CREB1: variants seen among roughly 807,000 people sequenced by gnomAD.
CREB1 encodes the protein cAMP responsive element binding protein 1.
A neutral mutation model predicts 42.0 loss-of-function variants in CREB1; 2 were observed. The ratio of observed to expected loss-of-function variants is 0.05; its 90% CI spans 0.02 to 0.15. The LOEUF (loss-of-function observed/expected upper bound fraction) is 0.15. CREB1 is among the 10% of genes least tolerant of loss of function. CREB1 has a pLI of 1.00. For synonymous variants in CREB1, 123 were observed against 139.9 expected (o/e 0.88, Z 0.85); for missense variants, 199 against 388.9 (o/e 0.51, Z 4.11).
intron 1 of CREB1, among the ~76,000 whole-genome samples, chr2:207,548,175 C>A (rs572835389): frequency 1.3e-5 from 2 of 152,178 alleles, no homozygotes; most frequent in East Asian, 3.9e-4. Flanking sequence ...GTAATCTGCC[C>A]GCCTAGGCCT....
intron 5 of CREB1, chr2:207,571,662 A>G (rs1481777020): frequency 6.8e-6 from 3 of 441,798 alleles, no homozygotes; most frequent in African/African-American, 6.0e-5. Flanking sequence ...GCCTCATACC[A>G]GATGCTTTTA....
chr2:207,565,496 T>A lies in CREB1; in HGVS notation c.262-1967T>A, dbSNP rs371832524. Among the ~76,000 whole-genome samples, 25 of 152,148 alleles carry A rather than the reference T, an allele frequency of 1.6e-4. 1 individual carries two copies. In the East Asian group the frequency reaches 2.5e-3, roughly 15 times the overall value. On this transcript the variant is annotated intron_variant, in intron 3 of 7. Transcript: ENST00000353267. The stretch of plus-strand genomic sequence containing the variant: ...GGTCAGAGAAAGGCAACCTTTTTTT[T>A]TTTTTTCATTAAGGGCCATAGATCC...
intron 3 of CREB1, 143 bp downstream of exon 3, chr2:207,560,515 G>T: frequency 1.5e-6 from 1 of 680,634 alleles, no homozygotes; most frequent in Non-Finnish European, 2.3e-6. Context: ...CATCTGTATA[G>T]TCACCTTATG....
intron 3 of CREB1, among the ~76,000 whole-genome samples, chr2:207,565,875 T>A (rs1028654839): frequency 6.6e-6 from 1 of 152,230 alleles, no homozygotes; most frequent in Non-Finnish European, 1.5e-5. Flanking sequence ...GCTCCTGATC[T>A]TCTGTATGTG....
intron 1 of CREB1, among the ~76,000 whole-genome samples, chr2:207,535,021 A>G (rs2080811964): frequency 6.6e-6 from 1 of 152,220 alleles, no homozygotes; most frequent in South Asian, 2.1e-4. Context: ...GAAGCATTTT[A>G]TTATGTAAGT....
At position 207,560,244 on chromosome 2, in the gene CREB1, C is replaced by A; in HGVS notation, c.133C>A (p.His45Asn). The change falls in exon 3 of 8, where the codon CAT (histidine) becomes AAT (asparagine). Residue 45 changes from histidine (H) to asparagine (N), a missense_variant. Physicochemically the swap from His to Asn is moderately conservative, Grantham distance 68 (BLOSUM62 1). Coordinates refer to ENST00000353267, the MANE Select transcript of CREB1 (RefSeq NM_004379.5). Reference sequence around the variant, plus strand: ...ACCATAGGTATCTATGCCAGCAGCTCATGCAACATCATCTGCTCCCACCGT... The same window carrying A: ...ACCATAGGTATCTATGCCAGCAGCTAATGCAACATCATCTGCTCCCACCGT... ...TLAQVSMPAA[H>N]ATSSAPTVTL... 6.2e-7 allele frequency: 1 copy of A among 1,610,920 alleles called. No individual in the cohort carries two copies. Among genetic ancestry groups the A allele is most frequent in the South Asian group, 1.1e-5 (1 of 90,866 alleles).
intron 5 of CREB1, chr2:207,571,639 A>G (rs1013818955): frequency 2.5e-6 from 1 of 407,578 alleles, no homozygotes; most frequent in African/African-American, 2.1e-5. Context: ...GTGTATGTGT[A>G]TTATCAGTTG....
chr2:207,593,718 ACT>A (rs2085526451), intron 7 of CREB1, among the ~76,000 whole-genome samples: 2 of 126,528 alleles, frequency 1.6e-5, no homozygotes, highest in African/African-American at 6.0e-5. Context: ...ATCCTCACAA[ACT>A]TTTTTTTTTT....
chr2:207,570,402 G>A (rs950458883), intron 5 of CREB1, 81 bp downstream of exon 5: 5 of 1,363,854 alleles, frequency 3.7e-6, no homozygotes, highest in Non-Finnish European at 5.0e-6. Context: ...TCTCTTCAGA[G>A]AAACCAATAC....
intron 1 of CREB1, among the ~76,000 whole-genome samples, chr2:207,555,221 C>T (rs1194506195): frequency 2.6e-5 from 4 of 152,158 alleles, no homozygotes; most frequent in Non-Finnish European, 5.9e-5. Flanking sequence ...CTAATAAACT[C>T]TGTCATCATT....
At chr2:207,542,101 T>C (rs2081121239) in intron 1 of CREB1, among the ~76,000 whole-genome samples, 1 of 152,218 alleles carries the variant, frequency 6.6e-6, no homozygotes, top group Admixed American at 6.5e-5. Flanking sequence ...ATTGGACTTT[T>C]TGATTATTAT....
intron 6 of CREB1, chr2:207,577,055 C>A: frequency 1.0e-6 from 1 of 955,038 alleles, no homozygotes; most frequent in South Asian, 4.7e-5. Flanking sequence ...GCTTTATCTT[C>A]TTTTTCATTT....
intron 5 of CREB1, among the ~76,000 whole-genome samples, chr2:207,574,727 A>C (rs545898201): frequency 2.2e-4 from 33 of 152,318 alleles, no homozygotes; most frequent in African/African-American, 7.9e-4. Flanking sequence ...CAGTTGTTTC[A>C]TTGAGTGGAT....
At chr2:207,585,958 A>C (rs1463793880) in intron 7 of CREB1, among the ~76,000 whole-genome samples, 1 of 151,726 alleles carries the variant, frequency 6.6e-6, no homozygotes, top group Non-Finnish European at 1.5e-5. Context: ...ATTTAACAAA[A>C]TAATCACTGA....
chr2:207,552,479 TAA>T (rs2081547108), intron 1 of CREB1, among the ~76,000 whole-genome samples: 1 of 151,628 alleles, frequency 6.6e-6, no homozygotes, highest in Non-Finnish European at 1.5e-5. Flanking sequence ...TGGCTTGGAA[TAA>T]AGTCTTTCAA....
At chr2:207,539,737 C>T (rs1237280270) in intron 1 of CREB1, among the ~76,000 whole-genome samples, 3 of 151,940 alleles carry the variant, frequency 2.0e-5, no homozygotes, top group African/African-American at 7.3e-5. Context: ...AGAGAAGGGG[C>T]TTAGTGAGGA....
intron 3 of CREB1, among the ~76,000 whole-genome samples, chr2:207,561,506 T>C (rs927134467): frequency 2.0e-5 from 3 of 152,192 alleles, no homozygotes; most frequent in African/African-American, 7.2e-5. Context: ...CCTAAAACTT[T>C]TACCTAGTGA....
chr2:207,594,138 C>G (rs909828454), intron 7 of CREB1, among the ~76,000 whole-genome samples: 6 of 152,254 alleles, frequency 3.9e-5, no homozygotes, highest in African/African-American at 1.4e-4. Context: ...AAAGAATTTA[C>G]TGGTTTAGAT....
At chr2:207,583,921 C>A (rs2083373246) in intron 7 of CREB1, among the ~76,000 whole-genome samples, 2 of 152,200 alleles carry the variant, frequency 1.3e-5, no homozygotes, top group African/African-American at 4.8e-5. Flanking sequence ...TAAATGGTAT[C>A]TTAAATTATA....
Sources: gnomAD v4.1 joint callset for allele counts (sites outside exome capture counted in the v4.1 genomes callset) on GRCh38, gnomAD v4.1.1 for gene constraint, MANE v1.5 for transcripts, NCBI Gene and HGNC (gene_info 2026-07-23, HGNC 2026-07-21) for gene names.